ZC3H12B: variants seen among roughly 807,000 people sequenced by gnomAD.
ZC3H12B encodes the protein probable ribonuclease ZC3H12B.
Under a neutral mutation model 43.9 loss-of-function variants are expected in ZC3H12B, and 7 were observed. The ratio of observed to expected loss-of-function variants is 0.16; its 90% CI spans 0.09 to 0.30. The LOEUF (loss-of-function observed/expected upper bound fraction) is 0.30. ZC3H12B is among the 10% of genes least tolerant of loss of function. The pLI is 1.00. For synonymous variants in ZC3H12B, 222 were observed against 241.7 expected (o/e 0.92, Z 0.76); for missense variants, 475 against 670.2 (o/e 0.71, Z 3.22).
At chrX:65,225,844 G>A in the ZC3H12B span, among the ~76,000 whole-genome samples, 1 of 111,646 alleles carries the variant, frequency 9.0e-6, no homozygotes, top group Non-Finnish European at 1.9e-5. Flanking sequence ...AAAAAGAAAC[G>A]AACAAAGCCT....
the ZC3H12B span, among the ~76,000 whole-genome samples, chrX:65,225,209 G>C: frequency 8.9e-6 from 1 of 111,977 alleles, no homozygotes; most frequent in African/African-American, 3.2e-5. Context: ...AGCAGCATTC[G>C]CGGTTCACGA....
the ZC3H12B span, among the ~76,000 whole-genome samples, chrX:65,119,177 G>A: frequency 1.8e-5 from 2 of 111,449 alleles, no homozygotes; most frequent in African/African-American, 3.3e-5. Flanking sequence ...TAATCGGATG[G>A]CTGGGTCAAA....
intron 3 of ZC3H12B, among the ~76,000 whole-genome samples, chrX:65,476,828 T>C (rs1269082577): frequency 1.9e-5 from 2 of 106,808 alleles, no homozygotes; most frequent in Non-Finnish European, 3.8e-5. Flanking sequence ...AACTGCTGAC[T>C]GGAATTTTTT....
At chrX:65,156,727 G>C in the ZC3H12B span, among the ~76,000 whole-genome samples, 1 of 110,412 alleles carries the variant, frequency 9.1e-6, no homozygotes, top group African/African-American at 3.3e-5. Context: ...TGTTGCCCAG[G>C]CTGATCTCTA....
chrX:65,251,947 C>T, the ZC3H12B span, among the ~76,000 whole-genome samples: 4 of 111,614 alleles, frequency 3.6e-5, no homozygotes, highest in Non-Finnish European at 3.8e-5. Flanking sequence ...TTCCTGATTG[C>T]CCTGGCCAGA....
intron 3 of ZC3H12B, among the ~76,000 whole-genome samples, chrX:65,404,148 T>C: frequency 8.9e-6 from 1 of 111,909 alleles, no homozygotes; most frequent in Admixed American, 9.5e-5. Context: ...TTTATTTGTT[T>C]ATGAAAACCG....
the ZC3H12B span, among the ~76,000 whole-genome samples, chrX:65,265,473 T>C: frequency 8.9e-6 from 1 of 111,979 alleles, no homozygotes; most frequent in African/African-American, 3.2e-5. Context: ...TACTTCTCAG[T>C]AGGAATTTTA....
the ZC3H12B span, among the ~76,000 whole-genome samples, chrX:65,212,119 GTATATAATATAC>G: frequency 2.0e-5 from 1 of 50,204 alleles, no homozygotes; most frequent in Non-Finnish European, 3.2e-5. Context: ...ATAATATATA[GTATATAATATAC>G]TATATATTAT....
chrX:65,458,425 C>T (rs57885193), intron 3 of ZC3H12B, among the ~76,000 whole-genome samples: 9,133 of 111,216 alleles, frequency 0.082, 1,019 homozygotes, highest in African/African-American at 0.29. Flanking sequence ...AGCACCACAC[C>T]ACACTTATTC....
chrX:65,173,441 A>G, the ZC3H12B span, among the ~76,000 whole-genome samples: 11 of 111,865 alleles, frequency 9.8e-5, no homozygotes, highest in East Asian at 1.4e-3. Context: ...TGTGCTAGTC[A>G]GAACTTTCAA....
At chrX:65,163,177 A>T in the ZC3H12B span, among the ~76,000 whole-genome samples, 1 of 110,579 alleles carries the variant, frequency 9.0e-6, no homozygotes, top group African/African-American at 3.3e-5. Context: ...GTCTGCCCCT[A>T]CTGGGGGGTG....
the ZC3H12B span, among the ~76,000 whole-genome samples, chrX:65,170,070 GTC>G: frequency 1.8e-5 from 2 of 111,907 alleles, no homozygotes; most frequent in African/African-American, 6.5e-5. Context: ...ATTTGATCCT[GTC>G]ATTATGATGT....
chrX:65,202,090 AAT>A, the ZC3H12B span, among the ~76,000 whole-genome samples: 2 of 66,004 alleles, frequency 3.0e-5, no homozygotes, highest in Admixed American at 1.7e-4. Flanking sequence ...TAATATATGT[AAT>A]ATATATATTT....
the ZC3H12B span, among the ~76,000 whole-genome samples, chrX:65,337,961 T>A: frequency 8.9e-6 from 1 of 111,816 alleles, no homozygotes; most frequent in East Asian, 2.8e-4. Context: ...GATGAATCAG[T>A]CTTGTTTTTT....
chrX:65,500,997 G>A (rs1019452221), intron 4 of ZC3H12B, among the ~76,000 whole-genome samples: 6 of 110,638 alleles, frequency 5.4e-5, no homozygotes, highest in Admixed American at 2.9e-4. Context: ...TATAATATAG[G>A]CATGATGATG....
the ZC3H12B span, among the ~76,000 whole-genome samples, chrX:65,307,627 G>A: frequency 0.12 from 13,713 of 111,180 alleles, 2,019 homozygotes; most frequent in African/African-American, 0.42. Flanking sequence ...AAAATGACCA[G>A]ACCCTTAATT....
At chrX:65,166,623 G>A in the ZC3H12B span, among the ~76,000 whole-genome samples, 40 of 111,853 alleles carry the variant, frequency 3.6e-4, no homozygotes, top group African/African-American at 1.1e-3. Context: ...TCACCACACC[G>A]TCTTCCACAA....
chrX:65,488,162 T>C (rs188100869), upstream of ZC3H12B, among the ~76,000 whole-genome samples: 1 of 111,205 alleles, frequency 9.0e-6, no homozygotes, highest in Non-Finnish European at 1.9e-5. Flanking sequence ...TGAGCCACTG[T>C]GCCCGGCCCG....
the ZC3H12B span, among the ~76,000 whole-genome samples, chrX:65,073,894 C>G: frequency 1.6e-4 from 18 of 111,751 alleles, no homozygotes; most frequent in Middle Eastern, 4.6e-3. Context: ...TTCAGCCAAG[C>G]TTCTGGTCTT....
Sources: allele counts gnomAD v4.1 joint callset (sites outside exome capture counted in the v4.1 genomes callset), GRCh38; gene constraint gnomAD v4.1.1; transcripts MANE v1.5; gene names NCBI Gene and HGNC (gene_info 2026-07-23, HGNC 2026-07-21).